ITGA4: variants seen among roughly 807,000 people sequenced by gnomAD.
ITGA4 encodes integrin subunit alpha 4, also known as integrin alpha-4.
Under a neutral mutation model 133.6 loss-of-function variants are expected in ITGA4, and 63 were observed. The ratio of observed to expected loss-of-function variants is 0.47; its 90% CI spans 0.38 to 0.58. The LOEUF (loss-of-function observed/expected upper bound fraction) is 0.58, where lower values mean the gene tolerates loss of function less well. Ranked by LOEUF, ITGA4 falls within the 20% of genes least tolerant of loss-of-function variation. The pLI is 0.00. For synonymous variants in ITGA4, 483 were observed against 438.0 expected (o/e 1.10, Z -1.28); for missense variants, 1,076 against 1,252.7 (o/e 0.86, Z 2.13).
Position 181,457,690 on chromosome 2 carries a change from A to C in ITGA4, c.36A>C (p.Arg12=), listed in dbSNP as rs770396267. 1.9e-6 allele frequency: 3 copies of C among 1,610,072 alleles called. No homozygotes were observed. In the Admixed American group the frequency reaches 5.0e-5, roughly 27 times the overall value. ...AWEARREPGP[R]RAAVRETVML... is the part of the protein sequence containing the mutation. ...AAGCGAGGCGCGAACCCGGCCCCCGAAGGGCCGCCGTCCGGGAGACGGTGA... is the reference window on the plus strand; with the variant it reads ...AAGCGAGGCGCGAACCCGGCCCCCGCAGGGCCGCCGTCCGGGAGACGGTGA... Residue 12 remains arginine, a synonymous_variant, in exon 1 of 28, where the codon CGA becomes CGC. Coordinates refer to ENST00000397033, the MANE Select transcript of ITGA4 (RefSeq NM_000885.6).
chr2:181,463,008 T>C (rs1408123421), intron 2 of ITGA4, among the ~76,000 whole-genome samples: 1 of 152,118 alleles, frequency 6.6e-6, no homozygotes, highest in Non-Finnish European at 1.5e-5. Context: ...TATAGGAAAG[T>C]ATGGTGAGAT....
intron 10 of ITGA4, among the ~76,000 whole-genome samples, chr2:181,488,652 G>A (rs927566545): frequency 1.6e-4 from 24 of 151,718 alleles, no homozygotes; most frequent in African/African-American, 4.4e-4. Context: ...TCTGACTCCC[G>A]GGTTCATGCC....
intron 2 of ITGA4, chr2:181,459,539 A>C (rs186178641): frequency 6.6e-6 from 1 of 152,336 alleles, no homozygotes; most frequent in African/African-American, 2.4e-5. Flanking sequence ...TGGAATTTTT[A>C]CTTTTAACTC....
In ITGA4 at chr2:181,486,142, A is replaced by G. The variant is rs376405896; in HGVS notation, c.1153+150A>G. ...TTTTTTCTTTTCTTTAGTGTTATAT[A>G]TGACTTCTCCTCAATTGTCACCCAT... On this transcript the variant is annotated intron_variant, in intron 10 of 27. Transcript: ENST00000397033. 24 of 931,122 alleles carry G rather than the reference A, an allele frequency of 2.6e-5. 1 individual carries two copies. The highest frequency in any genetic ancestry group is 1.4e-4 in the African/African-American group (8 of 58,468). 57.7% of individuals were successfully genotyped at this position (931,122 alleles called of 1,614,324 possible).
At chr2:181,527,584 T>C in intron 22 of ITGA4, 197 bp downstream of exon 22, 1 of 495,948 alleles carries the variant, frequency 2.0e-6, no homozygotes, top group Non-Finnish European at 3.7e-6. Flanking sequence ...TCCCTGATAT[T>C]CAAGCCCATA....
rs760717671 is a variant in ITGA4, at chr2:181,538,278, TTTG to T, written c.*2757_*2759del. The T allele has an allele frequency of 3.6e-6, 5 of 1,372,520 alleles. No homozygotes were observed. The African/African-American group carries it at 4.3e-5, about 12-fold the overall frequency. 85.0% of individuals were successfully genotyped at this position (1,372,520 alleles called of 1,614,324 possible). ...AAAATACATTATTTCATCAACTTAT[TTTG>T]TTGTTTTTCACATACACCTAATAAG... On this transcript the variant is annotated 3_prime_UTR_variant, in exon 28 of 28. Transcript: ENST00000397033.
At chr2:181,504,966 A>G (rs1473633580) in intron 15 of ITGA4, among the ~76,000 whole-genome samples, 1 of 151,712 alleles carries the variant, frequency 6.6e-6, no homozygotes, top group Admixed American at 6.6e-5. Context: ...TCAGGTACCA[A>G]CCTGTGTCTT....
At chr2:181,533,945 A>G (rs1166452187) in intron 25 of ITGA4, among the ~76,000 whole-genome samples, 1 of 152,232 alleles carries the variant, frequency 6.6e-6, no homozygotes, top group Non-Finnish European at 1.5e-5. Context: ...AAAGAAATAA[A>G]AAGCCCAAAT....
intron 17 of ITGA4, among the ~76,000 whole-genome samples, chr2:181,512,889 AT>A (rs1686532980): frequency 6.6e-6 from 1 of 152,068 alleles, no homozygotes; most frequent in Non-Finnish European, 1.5e-5. Context: ...AAATGTTGTT[AT>A]TTGTTCAATT....
At position 181,538,015 on chromosome 2, in the gene ITGA4, G is replaced by C. The variant is rs1574424030; in HGVS notation, c.*2488G>C. ...TGTTCCTCAAGAGAATCTAATGCCT[G>C]ATGATCTGAGGTGGAACAGTTCATC... On this transcript the variant is annotated 3_prime_UTR_variant, in exon 28 of 28. Transcript: ENST00000397033. 2 of 688,194 alleles carry C rather than the reference G, an allele frequency of 2.9e-6. No homozygotes were observed. Among genetic ancestry groups the C allele is most frequent in the East Asian group, 2.8e-5 (1 of 35,922 alleles). The allele number at this position is 688,194 out of a possible 1,614,324, so 42.6% of individuals were successfully genotyped here.
intron 10 of ITGA4, among the ~76,000 whole-genome samples, chr2:181,486,913 T>C (rs890608231): frequency 9.9e-5 from 15 of 152,198 alleles, no homozygotes; most frequent in African/African-American, 3.6e-4. Context: ...ATTAAAGTGC[T>C]GGGGTACTAT....
chr2:181,480,408 C>A, intron 6 of ITGA4, 142 bp downstream of exon 6: 1 of 423,326 alleles, frequency 2.4e-6, no homozygotes, highest in Non-Finnish European at 4.2e-6. Context: ...GAAACTGTCT[C>A]TTAAGGATAG....
intron 4 of ITGA4, among the ~76,000 whole-genome samples, chr2:181,476,853 G>C (rs538981342): frequency 6.6e-6 from 1 of 152,036 alleles, no homozygotes; most frequent in African/African-American, 2.4e-5. Context: ...TAACCTAAGC[G>C]AACTAACACA....
In ITGA4 at chr2:181,527,136, C is replaced by T. The variant is rs149924862; in HGVS notation, c.2340-161C>T. 3.8e-3 allele frequency among the ~76,000 whole-genome samples: 578 copies of T among 151,948 alleles called. 7 individuals carry two copies. Among genetic ancestry groups the T allele is most frequent in the African/African-American group, 0.013 (554 of 41,470 alleles). On this transcript the variant is annotated intron_variant, in intron 21 of 27. Coordinates refer to ENST00000397033, the MANE Select transcript of ITGA4 (RefSeq NM_000885.6). ...CAGGCATGAGCCACTGCTCCCGGCC[C>T]TAATTTAATTTCTTTTTAAATAAAA...
Position 181,530,583 on chromosome 2 carries a change from A to G in ITGA4, c.2598A>G (p.Gln866=), listed in dbSNP as rs1373929969. Residue 866 remains glutamine, a synonymous_variant, in exon 24 of 28, where the codon CAA becomes CAG. Coordinates refer to ENST00000397033, the MANE Select transcript of ITGA4 (RefSeq NM_000885.6). ...AAAGAGTGTGTGCATTAGAGCAGCAAAAGAGTGCAATGCAGACCTTGAAAG... is the reference window on the plus strand; with the variant it reads ...AAAGAGTGTGTGCATTAGAGCAGCAGAAGAGTGCAATGCAGACCTTGAAAG... The part of the protein sequence containing the change: ...NYQRVCALEQ[Q]KSAMQTLKGI... 3 of 1,612,540 alleles carry G rather than the reference A, an allele frequency of 1.9e-6. No individual in the cohort carries two copies. Among genetic ancestry groups the G allele is most frequent in the Non-Finnish European group, 2.5e-6 (3 of 1,178,800 alleles).
In ITGA4 at chr2:181,535,837, G is replaced by A. The variant is rs1185749418; in HGVS notation, c.*310G>A. 1.1e-5 allele frequency: 2 copies of A among 190,138 alleles called. No individual in the cohort carries two copies. The highest frequency in any genetic ancestry group is 2.2e-5 in the Non-Finnish European group (2 of 92,196). The allele number at this position is 190,138 out of a possible 1,614,324, so 11.8% of individuals were successfully genotyped here. A position where few individuals can be genotyped will look rare whatever the true frequency, so the allele number is the denominator to read the frequency against. ...TATCTTGAAATGAAAGTATAACTGAGTTAAATTATACTGGAGAAGTCTTAG... is the reference window on the plus strand; with the variant it reads ...TATCTTGAAATGAAAGTATAACTGAATTAAATTATACTGGAGAAGTCTTAG... On this transcript the variant is annotated 3_prime_UTR_variant, in exon 28 of 28. Transcript: ENST00000397033.
At chr2:181,459,060 G>C (rs1435924213) in intron 2 of ITGA4, 2 of 152,196 alleles carry the variant, frequency 1.3e-5, no homozygotes, top group South Asian at 4.1e-4. Flanking sequence ...TAAATAACAA[G>C]ACCTATCTTG....
intron 2 of ITGA4, among the ~76,000 whole-genome samples, chr2:181,460,862 TGA>T (rs1441547953): frequency 6.6e-6 from 1 of 152,080 alleles, no homozygotes; most frequent in Non-Finnish European, 1.5e-5. Flanking sequence ...TGAAACACAA[TGA>T]GAAATTTTTG....
At chr2:181,475,833 G>C in intron 4 of ITGA4, 1 of 1,603,596 alleles carries the variant, frequency 6.2e-7, no homozygotes, top group Non-Finnish European at 8.5e-7. Context: ...GCATCAGCAA[G>C]TACAGAGCTA....
Sources: gnomAD v4.1 joint callset for allele counts (sites outside exome capture counted in the v4.1 genomes callset) on GRCh38, gnomAD v4.1.1 for gene constraint, MANE v1.5 for transcripts, NCBI Gene and HGNC (gene_info 2026-07-23, HGNC 2026-07-21) for gene names.